NRG3: variants seen among roughly 807,000 people sequenced by gnomAD.
NRG3 encodes neuregulin 3, also known as pro-neuregulin-3, membrane-bound isoform.
A neutral mutation model predicts 66.9 loss-of-function variants in NRG3; 31 were observed. The observed-to-expected ratio is 0.46, with a 90% CI of 0.35 to 0.63. The LOEUF is 0.63. Among genes scored for constraint, NRG3 ranks in the 20% least tolerant of loss-of-function variants. NRG3 has a pLI of 0.00. For missense variants in NRG3, 910 were observed against 878.9 expected (o/e 1.04, Z -0.45); for synonymous variants, 393 against 359.4 (o/e 1.09, Z -1.06).
At chr10:82,668,953 C>T (rs886428613) in intron 2 of NRG3, among the ~76,000 whole-genome samples, 27 of 152,134 alleles carry the variant, frequency 1.8e-4, no homozygotes, top group African/African-American at 6.5e-4. Flanking sequence ...CTCAGCTATG[C>T]TACTTCCCAT....
At chr10:82,656,123 A>G (rs1168001196) in intron 2 of NRG3, among the ~76,000 whole-genome samples, 1 of 152,194 alleles carries the variant, frequency 6.6e-6, no homozygotes, top group African/African-American at 2.4e-5. Flanking sequence ...AAGCTTTTAA[A>G]CAAGTTCATG....
chr10:82,216,351 G>A (rs568127034), intron 1 of NRG3, among the ~76,000 whole-genome samples: 215 of 151,984 alleles, frequency 1.4e-3, no homozygotes, highest in Non-Finnish European at 2.9e-3. Context: ...CACTTAGAAA[G>A]TGTGGAAAAT....
At chr10:82,856,929 G>A (rs2063842049) in intron 3 of NRG3, among the ~76,000 whole-genome samples, 1 of 152,134 alleles carries the variant, frequency 6.6e-6, no homozygotes, top group African/African-American at 2.4e-5. Context: ...ACTAGTGACA[G>A]AAACAATAGA....
chr10:82,676,309 G>C (rs377339799), intron 2 of NRG3, among the ~76,000 whole-genome samples: 1 of 152,074 alleles, frequency 6.6e-6, no homozygotes, highest in African/African-American at 2.4e-5. Context: ...TGAAACATCT[G>C]CTTGGATTGC....
At chr10:82,257,018 A>G (rs1208481058) in intron 1 of NRG3, among the ~76,000 whole-genome samples, 1 of 152,152 alleles carries the variant, frequency 6.6e-6, no homozygotes, top group African/African-American at 2.4e-5. Context: ...AACCAGTACT[A>G]CTTCTCATGC....
At chr10:82,400,390 C>T (rs1457036702) in intron 2 of NRG3, among the ~76,000 whole-genome samples, 2 of 152,078 alleles carry the variant, frequency 1.3e-5, no homozygotes, top group Non-Finnish European at 2.9e-5. Context: ...ATTTTATCTA[C>T]ATACAAATAA....
Position 82,818,529 on chromosome 10 carries a change from G to A in NRG3, c.1028-46882G>A, listed in dbSNP as rs558918920. Among the ~76,000 whole-genome samples the A allele has an allele frequency of 5.0e-4, 76 of 152,260 alleles. No individual in the cohort carries two copies. In the South Asian group the frequency reaches 9.8e-3, roughly 20 times the overall value. The stretch of plus-strand genomic sequence containing the variant: ...TGACTCTTCACTTGTTCTTTCTCAA[G>A]AACAGTCTGGACACTGAGACCAGAA... On this transcript the variant is annotated intron_variant, in intron 3 of 8. Transcript: ENST00000372141.
intron 4 of NRG3, among the ~76,000 whole-genome samples, chr10:82,876,762 G>T (rs1219897186): frequency 6.6e-6 from 1 of 152,110 alleles, no homozygotes; most frequent in African/African-American, 2.4e-5. Flanking sequence ...GGTGGCTCAC[G>T]CCTGTAGTCC....
intron 2 of NRG3, among the ~76,000 whole-genome samples, chr10:82,736,516 T>C (rs560507106): frequency 7.8e-4 from 119 of 152,350 alleles, no homozygotes; most frequent in African/African-American, 2.7e-3. Flanking sequence ...CTTCCTAGCC[T>C]GGGCTAGGCT....
chr10:82,907,911 G>T (rs903633106), intron 4 of NRG3, among the ~76,000 whole-genome samples: 19 of 152,138 alleles, frequency 1.2e-4, no homozygotes, highest in Non-Finnish European at 2.9e-5. Context: ...TGTTTTGCCT[G>T]TCTTGAAAGC....
chr10:82,372,833 A>T (rs1191113758), intron 2 of NRG3, among the ~76,000 whole-genome samples: 2 of 152,182 alleles, frequency 1.3e-5, no homozygotes, highest in African/African-American at 4.8e-5. Context: ...GCCTCAAGGG[A>T]TCCACTCACC....
At chr10:82,065,057 C>T (rs747157436) in intron 1 of NRG3, among the ~76,000 whole-genome samples, 2 of 152,110 alleles carry the variant, frequency 1.3e-5, no homozygotes, top group Non-Finnish European at 2.9e-5. Flanking sequence ...CATTTCATAA[C>T]AAACATCTAT....
chr10:82,608,475 G>A (rs139780690), intron 2 of NRG3, among the ~76,000 whole-genome samples: 1 of 152,120 alleles, frequency 6.6e-6, no homozygotes, highest in Non-Finnish European at 1.5e-5. Context: ...AATACTTCTG[G>A]AAAATTCTTG....
intron 1 of NRG3, among the ~76,000 whole-genome samples, chr10:82,133,009 A>C (rs2069047720): frequency 6.6e-6 from 1 of 151,886 alleles, no homozygotes; most frequent in Non-Finnish European, 1.5e-5. Context: ...TTTTACAAAA[A>C]ATCAACTTCA....
chr10:82,552,588 T>C (rs993217537), intron 2 of NRG3, among the ~76,000 whole-genome samples: 1 of 152,106 alleles, frequency 6.6e-6, no homozygotes, highest in Non-Finnish European at 1.5e-5. Context: ...CACAAAACAT[T>C]TCAGTAATTC....
chr10:82,386,251 A>G (rs17099965), intron 2 of NRG3, among the ~76,000 whole-genome samples: 373 of 152,340 alleles, frequency 2.4e-3, no homozygotes, highest in African/African-American at 8.7e-3. Context: ...CTCAGGCATG[A>G]AAGTGTTCTT....
At chr10:82,171,750 C>T (rs2072629421) in intron 1 of NRG3, among the ~76,000 whole-genome samples, 1 of 152,064 alleles carries the variant, frequency 6.6e-6, no homozygotes, top group African/African-American at 2.4e-5. Context: ...TTCAAAATAA[C>T]TGTTGATATT....
At chr10:82,085,202 AC>A (rs1279042359) in intron 1 of NRG3, among the ~76,000 whole-genome samples, 3 of 152,060 alleles carry the variant, frequency 2.0e-5, no homozygotes, top group African/African-American at 7.3e-5. Flanking sequence ...CAAATCTCCA[AC>A]TTCCTTTTGG....
rs565897883 is a variant in NRG3 at position 82,535,717 on chromosome 10, A to G, written c.953+176849A>G. On this transcript the variant is annotated intron_variant, in intron 2 of 8. Coordinates refer to ENST00000372141, the MANE Select transcript of NRG3 (RefSeq NM_001010848.4). ...CAGAGCTTGGGATGATTGCCCATAT[A>G]AAAATGCTTAAATGTCTTAAACATA... Among the ~76,000 whole-genome samples, 11 of 152,314 alleles carry G rather than the reference A, an allele frequency of 7.2e-5. No individual in the cohort carries two copies. In the South Asian group the frequency reaches 2.3e-3, roughly 32 times the overall value.
Sources: allele counts gnomAD v4.1 joint callset (sites outside exome capture counted in the v4.1 genomes callset), GRCh38; gene constraint gnomAD v4.1.1; transcripts MANE v1.5; gene names NCBI Gene and HGNC (gene_info 2026-07-23, HGNC 2026-07-21).